The following NKAIN3 variants were observed in gnomAD, a reference collection of about 807,000 sequenced individuals.
The protein encoded by NKAIN3 is sodium/potassium transporting ATPase interacting 3.
Under a neutral mutation model 30.2 loss-of-function variants are expected in NKAIN3, and 25 were observed. That is an observed-to-expected ratio of 0.83 (90% confidence interval 0.60 to 1.16). NKAIN3 has a LOEUF of 1.16. NKAIN3 is among the 50% of genes most tolerant of loss of function. The pLI, the probability that NKAIN3 is intolerant of heterozygous loss-of-function variation, is 0.00. For synonymous variants in NKAIN3, 91 were observed against 89.6 expected, an observed-to-expected ratio of 1.02 and a Z score of -0.09; for missense variants, 225 against 254.1, an observed-to-expected ratio of 0.89 and a Z score of 0.78.
chr8:62,282,268 C>T (rs1277618946), intron 1 of NKAIN3, among the ~76,000 whole-genome samples: 3 of 152,082 alleles, frequency 2.0e-5, no homozygotes, highest in Admixed American at 1.3e-4. Flanking sequence ...AAAAGTGATA[C>T]AGGTGGGTGG....
chr8:62,388,240 T>C lies in NKAIN3; in HGVS notation c.54+139113T>C, dbSNP rs144786576. 5.9e-5 allele frequency among the ~76,000 whole-genome samples: 9 copies of C among 152,354 alleles called. No individual in the cohort carries two copies. In the East Asian group the frequency reaches 1.7e-3, roughly 29 times the overall value. ...TCTGAAAGGCCTTAGTTTTTAGAAA[T>C]GTATTTGGGACCCCAAAATTGTTCT... On this transcript the variant is annotated intron_variant, in intron 1 of 6. Transcript: ENST00000623646.
downstream of NKAIN3, among the ~76,000 whole-genome samples, chr8:62,989,649 G>A (rs1824277292): frequency 6.6e-6 from 1 of 152,104 alleles, no homozygotes; most frequent in South Asian, 2.1e-4. Flanking sequence ...GATGAGCTGA[G>A]ATCATGCCAC....
chr8:62,434,668 C>G (rs1409332715), intron 1 of NKAIN3, among the ~76,000 whole-genome samples: 1 of 152,028 alleles, frequency 6.6e-6, no homozygotes, highest in Non-Finnish European at 1.5e-5. Context: ...CAAACTTTAC[C>G]TAAAGGAGAT....
At chr8:62,577,486 T>G (rs576397455) in intron 1 of NKAIN3, among the ~76,000 whole-genome samples, 3,779 of 148,430 alleles carry the variant, frequency 0.025, 96 homozygotes, top group African/African-American at 0.067. Flanking sequence ...TGGTTTTTTT[T>G]TTTGTTTGTT....
At chr8:62,671,135 A>T (rs1813289782) in intron 3 of NKAIN3, among the ~76,000 whole-genome samples, 1 of 152,138 alleles carries the variant, frequency 6.6e-6, no homozygotes, top group African/African-American at 2.4e-5. Flanking sequence ...CACATATTTG[A>T]AACTCTTAAG....
intron 1 of NKAIN3, among the ~76,000 whole-genome samples, chr8:62,572,494 A>G (rs1361853659): frequency 6.6e-6 from 1 of 152,216 alleles, no homozygotes; most frequent in East Asian, 1.9e-4. Flanking sequence ...ATGTTCGGGT[A>G]TATTTTCAGC....
intron 3 of NKAIN3, among the ~76,000 whole-genome samples, chr8:62,704,538 T>C (rs1042546120): frequency 6.6e-6 from 1 of 152,154 alleles, no homozygotes; most frequent in African/African-American, 2.4e-5. Context: ...TAGGCTCATA[T>C]GTAAAAGTTG....
chr8:62,750,465 G>A (rs539160430), intron 4 of NKAIN3, among the ~76,000 whole-genome samples: 7 of 152,272 alleles, frequency 4.6e-5, no homozygotes, highest in Admixed American at 3.9e-4. Context: ...TCAGAAAGGC[G>A]AAGACGGGCG....
At chr8:62,547,402 C>T (rs1809051344) in intron 1 of NKAIN3, among the ~76,000 whole-genome samples, 1 of 152,114 alleles carries the variant, frequency 6.6e-6, no homozygotes, top group Non-Finnish European at 1.5e-5. Context: ...GTAAAAAGGA[C>T]TATCATTAAT....
At chr8:62,457,469 AGG>A (rs1805856147) in intron 1 of NKAIN3, among the ~76,000 whole-genome samples, 1 of 152,174 alleles carries the variant, frequency 6.6e-6, no homozygotes, top group Non-Finnish European at 1.5e-5. Context: ...CATCTGTTGG[AGG>A]GTAAGCATGC....
intron 3 of NKAIN3, among the ~76,000 whole-genome samples, chr8:62,647,399 G>A (rs565365553): frequency 6.6e-6 from 1 of 152,300 alleles, no homozygotes; most frequent in South Asian, 2.1e-4. Flanking sequence ...GCAATTATGA[G>A]CAAGGTGGAC....
At chr8:62,730,529 A>T (rs1815431853) in intron 3 of NKAIN3, among the ~76,000 whole-genome samples, 1 of 152,110 alleles carries the variant, frequency 6.6e-6, no homozygotes, top group East Asian at 1.9e-4. Flanking sequence ...TTCTATAAGT[A>T]TTACTTGCCA....
At chr8:62,855,934 C>T in intron 4 of NKAIN3, 1 of 742,656 alleles carries the variant, frequency 1.3e-6, no homozygotes, top group Non-Finnish European at 2.5e-6. Context: ...GCTACAACCT[C>T]CTTGTCCAGA....
chr8:62,669,492 C>T (rs769684640), intron 3 of NKAIN3, among the ~76,000 whole-genome samples: 1 of 152,104 alleles, frequency 6.6e-6, no homozygotes, highest in African/African-American at 2.4e-5. Flanking sequence ...AATGACACAT[C>T]TTCTAAATTA....
At chr8:62,252,849 T>C (rs1812152713) in intron 1 of NKAIN3, among the ~76,000 whole-genome samples, 1 of 152,242 alleles carries the variant, frequency 6.6e-6, no homozygotes. Flanking sequence ...CACTTGATCA[T>C]GTGCTTTTAG....
intron 1 of NKAIN3, among the ~76,000 whole-genome samples, chr8:62,569,776 A>G (rs962352856): frequency 6.6e-6 from 1 of 151,946 alleles, no homozygotes; most frequent in Non-Finnish European, 1.5e-5. Flanking sequence ...ACTGTCTGAA[A>G]AAAAAAAAAA....
chr8:62,267,355 C>G (rs1288647062), intron 1 of NKAIN3, among the ~76,000 whole-genome samples: 1 of 152,122 alleles, frequency 6.6e-6, no homozygotes, highest in Non-Finnish European at 1.5e-5. Context: ...TAATAGATTA[C>G]TAAGTCAGTG....
intron 2 of NKAIN3, among the ~76,000 whole-genome samples, chr8:62,583,155 G>A (rs1585976512): frequency 6.6e-6 from 1 of 152,184 alleles, no homozygotes; most frequent in East Asian, 1.9e-4. Flanking sequence ...TGTAATTAGC[G>A]CTCAGTACAT....
intron 1 of NKAIN3, among the ~76,000 whole-genome samples, chr8:62,479,800 AACCTTAG>A (rs201568020): frequency 0.015 from 2,326 of 152,214 alleles, 70 homozygotes; most frequent in African/African-American, 0.054. Context: ...GAAGTAAATA[AACCTTAG>A]ATATGTTATT....
Sources: allele counts gnomAD v4.1 joint callset (sites outside exome capture counted in the v4.1 genomes callset), GRCh38; gene constraint gnomAD v4.1.1; transcripts MANE v1.5; gene names NCBI Gene and HGNC (gene_info 2026-07-23, HGNC 2026-07-21).